The following PRH1 variants were observed in gnomAD, a reference collection of about 807,000 sequenced individuals.
PRH1 encodes the protein proline rich protein HaeIII subfamily 1.
Under a neutral mutation model 7.9 loss-of-function variants are expected in PRH1, and 7 were observed. The ratio of observed to expected loss-of-function variants is 0.89; its 90% CI spans 0.50 to 1.67. The LOEUF (loss-of-function observed/expected upper bound fraction) is 1.67, where lower values mean the gene tolerates loss of function less well. PRH1 is among the 40% of genes most tolerant of loss of function. The pLI is 0.00. For synonymous variants in PRH1, 45 were observed against 80.8 expected (o/e 0.56, Z 2.38); for missense variants, 109 against 223.6 (o/e 0.49, Z 3.27).
At chr12:10,962,336 A>G (rs1242861407) in intron 2 of PRH1, among the ~76,000 whole-genome samples, 2 of 152,240 alleles carry the variant, frequency 1.3e-5, no homozygotes, top group African/African-American at 2.4e-5. Flanking sequence ...GAATACAAAT[A>G]TATCATTCAC....
At chr12:11,016,622 T>A (rs1160401677) in intron 1 of PRH1, among the ~76,000 whole-genome samples, 1 of 152,214 alleles carries the variant, frequency 6.6e-6, no homozygotes, top group African/African-American at 2.4e-5. Flanking sequence ...ACTGCGGGCA[T>A]GAGCCATCAT....
chr12:10,985,984 T>A (rs1939595765), intron 1 of PRH1: 2 of 1,612,154 alleles, frequency 1.2e-6, no homozygotes, highest in Non-Finnish European at 1.7e-6. Flanking sequence ...TGACACAAAA[T>A]CAAAAGAAAG....
chr12:11,023,188 A>G (rs1419371677), intron 1 of PRH1, among the ~76,000 whole-genome samples: 1 of 152,186 alleles, frequency 6.6e-6, no homozygotes, highest in Non-Finnish European at 1.5e-5. Flanking sequence ...GTTTCTGATA[A>G]CCAATAAATT....
chr12:11,149,552 A>T (rs1946993314), intron 1 of PRH1, among the ~76,000 whole-genome samples: 1 of 149,804 alleles, frequency 6.7e-6, no homozygotes, highest in Non-Finnish European at 1.5e-5. Context: ...AAACCTGAGA[A>T]AAACAAGCAA....
rs1427578251 is a variant in PRH1, at chr12:11,087,429, G to C, written n.124-40241C>G. Among the ~76,000 whole-genome samples the C allele has an allele frequency of 6.0e-5, 7 of 116,774 alleles. 3 individuals carry two copies. The highest frequency in any genetic ancestry group is 1.4e-4 in the Non-Finnish European group (7 of 49,222). 76.6% of individuals were successfully genotyped at this position (116,774 alleles called of 152,430 possible). A position where few individuals can be genotyped will look rare whatever the true frequency, so the allele number is the denominator to read the frequency against. On this transcript the variant is annotated intron_variant and non_coding_transcript_variant, in intron 1 of 4. Coordinates refer to the PRH1 transcript ENST00000541977. ...GTTTCTGAAGGTCAGATGCTACCTA[G>C]AGCTTTGGCTCATGTCCATCCCAAG...
intron 1 of PRH1, among the ~76,000 whole-genome samples, chr12:11,003,124 C>T (rs995493412): frequency 2.6e-5 from 4 of 151,918 alleles, no homozygotes; most frequent in African/African-American, 9.7e-5. Flanking sequence ...CTGCTTATAT[C>T]TTTCTTTTTT....
At chr12:11,021,555 TATGGA>T (rs1277021906) in intron 1 of PRH1, 1 of 728,104 alleles carries the variant, frequency 1.4e-6, no homozygotes, top group Non-Finnish European at 2.1e-6. Flanking sequence ...ATACAAACAC[TATGGA>T]AAAACTGATA....
At chr12:11,170,077 A>T (rs1947770709) in intron 1 of PRH1, among the ~76,000 whole-genome samples, 1 of 152,244 alleles carries the variant, frequency 6.6e-6, no homozygotes, top group South Asian at 2.1e-4. Context: ...GGTCATGATC[A>T]GAAATCACAC....
At chr12:11,134,795 A>G (rs1390920335) in intron 1 of PRH1, among the ~76,000 whole-genome samples, 3 of 152,178 alleles carry the variant, frequency 2.0e-5, no homozygotes, top group African/African-American at 7.2e-5. Flanking sequence ...AACTGCTTTT[A>G]TCAAAAGCAT....
At chr12:11,016,504 TTC>T (rs1303204747) in intron 1 of PRH1, among the ~76,000 whole-genome samples, 2 of 152,172 alleles carry the variant, frequency 1.3e-5, no homozygotes, top group African/African-American at 4.8e-5. Context: ...TTGTTGTTTT[TTC>T]TGTTTTTTAG....
intron 2 of PRH1, among the ~76,000 whole-genome samples, chr12:10,899,068 G>A (rs921785360): frequency 6.6e-6 from 1 of 152,144 alleles, no homozygotes; most frequent in Admixed American, 6.5e-5. Flanking sequence ...CCTCTCTTGT[G>A]GCTGATTTCT....
intron 1 of PRH1, among the ~76,000 whole-genome samples, chr12:11,030,096 T>A (rs933303847): frequency 3.3e-5 from 5 of 152,254 alleles, no homozygotes; most frequent in African/African-American, 9.6e-5. Flanking sequence ...ATAAAATACA[T>A]GAATGAAATA....
At chr12:10,944,969 G>T (rs1432683795) in intron 2 of PRH1, among the ~76,000 whole-genome samples, 2 of 152,056 alleles carry the variant, frequency 1.3e-5, no homozygotes, top group East Asian at 3.9e-4. Flanking sequence ...CAAAGGTTTT[G>T]TTGAGGATTT....
intron 2 of PRH1, among the ~76,000 whole-genome samples, chr12:10,901,056 C>T (rs867852981): frequency 6.6e-6 from 1 of 152,180 alleles, no homozygotes. Context: ...GAGGTCCTCT[C>T]TGCTGCATAC....
chr12:11,041,337 T>C (rs1248440952), intron 1 of PRH1, among the ~76,000 whole-genome samples: 2 of 124,638 alleles, frequency 1.6e-5, no homozygotes, highest in South Asian at 2.6e-4. Context: ...CCTATACTAA[T>C]ATTAGACAAA....
intron 1 of PRH1, among the ~76,000 whole-genome samples, chr12:11,126,430 ATTCT>A (rs1946131555): frequency 6.6e-6 from 1 of 151,852 alleles, no homozygotes; most frequent in Non-Finnish European, 1.5e-5. Flanking sequence ...TTTTATTAAC[ATTCT>A]TTATAAACGT....
rs1447599116 is a variant in PRH1, at chr12:11,091,113, C to CATATATATAT, written n.124-43926_124-43925insATATATATAT. On this transcript the variant is annotated intron_variant and non_coding_transcript_variant, in intron 1 of 4. Transcript: ENST00000541977. Reference sequence around the variant, plus strand: ...ATACACAAATACACACACACACACACACATATATATATATATATATATATA... The same window carrying CATATATATAT: ...ATACACAAATACACACACACACACACATATATATATACATATATATATATATATATATATA... 6.0e-3 allele frequency among the ~76,000 whole-genome samples: 34 copies of CATATATATAT among 5,668 alleles called. 3 individuals carry two copies. Among genetic ancestry groups the CATATATATAT allele is most frequent in the African/African-American group, 8.8e-3 (34 of 3,850 alleles). The allele number at this position is 5,668 out of a possible 152,430, so 3.7% of individuals were successfully genotyped here. A position where few individuals can be genotyped will look rare whatever the true frequency, so the allele number is the denominator to read the frequency against.
intron 1 of PRH1, among the ~76,000 whole-genome samples, chr12:11,136,842 G>A (rs187621850): frequency 2.6e-4 from 40 of 152,218 alleles, no homozygotes; most frequent in Admixed American, 6.5e-4. Flanking sequence ...GCAATACACC[G>A]AAACTCCCTC....
intron 1 of PRH1, chr12:11,078,295 T>C (rs1296925439): frequency 6.7e-6 from 2 of 296,874 alleles, no homozygotes; most frequent in Admixed American, 4.8e-5. Context: ...CTGGTTCTGA[T>C]ACCCTTAATA....
Sources: gnomAD v4.1 joint callset for allele counts (sites outside exome capture counted in the v4.1 genomes callset) on GRCh38, gnomAD v4.1.1 for gene constraint, MANE v1.5 for transcripts, NCBI Gene and HGNC (gene_info 2026-07-23, HGNC 2026-07-21) for gene names.